The following ROBO2 variants were observed in gnomAD, a reference collection of about 807,000 sequenced individuals.
ROBO2 encodes roundabout homolog 2.
In ROBO2, 53 loss-of-function variants were observed where a neutral mutation model predicts 160.8. The observed-to-expected ratio is 0.33, with a 90% confidence interval of 0.26 to 0.41. The LOEUF (loss-of-function observed/expected upper bound fraction) is 0.41, where lower values mean the gene tolerates loss of function less well. Among genes scored for constraint, ROBO2 ranks in the 10% least tolerant of loss-of-function variants. The pLI is 1.00. For missense variants in ROBO2, 1,577 were observed against 1,722.4 expected (o/e 0.92, Z 1.49); for synonymous variants, 664 against 611.7 (o/e 1.09, Z -1.26).
intron 2 of ROBO2, among the ~76,000 whole-genome samples, chr3:77,370,678 G>A (rs550740988): frequency 1.3e-5 from 2 of 152,174 alleles, no homozygotes; most frequent in Non-Finnish European, 2.9e-5. Flanking sequence ...TGGTTTTTCC[G>A]GTTTTAAATA....
chr3:77,012,594 GA>G (rs1281079544), intron 2 of ROBO2, among the ~76,000 whole-genome samples: 4 of 152,160 alleles, frequency 2.6e-5, no homozygotes, highest in Admixed American at 6.5e-5. Flanking sequence ...AAGTTACATG[GA>G]TGGATAGAAA....
intron 2 of ROBO2, among the ~76,000 whole-genome samples, chr3:76,160,855 A>C (rs73844507): frequency 6.6e-6 from 1 of 152,144 alleles, no homozygotes; most frequent in East Asian, 1.9e-4. Flanking sequence ...TTCTCGTGAA[A>C]TTCACAGTTC....
At chr3:75,915,151 G>C (rs1294766058) in intron 1 of ROBO2, among the ~76,000 whole-genome samples, 2 of 152,130 alleles carry the variant, frequency 1.3e-5, no homozygotes, top group Admixed American at 6.5e-5. Flanking sequence ...TACTGAATTT[G>C]CCTCTCTAGT....
At chr3:77,344,237 A>G (rs962529741) in intron 2 of ROBO2, among the ~76,000 whole-genome samples, 4 of 152,178 alleles carry the variant, frequency 2.6e-5, no homozygotes, top group African/African-American at 9.6e-5. Flanking sequence ...GGTATACAGA[A>G]CAGCTTCTTT....
chr3:76,971,947 C>A (rs2059591802), intron 2 of ROBO2, among the ~76,000 whole-genome samples: 1 of 152,180 alleles, frequency 6.6e-6, no homozygotes, highest in Non-Finnish European at 1.5e-5. Context: ...TTAACCTGTT[C>A]TCATAATATC....
chr3:76,774,080 C>A (rs1331666871), intron 2 of ROBO2, among the ~76,000 whole-genome samples: 1 of 150,764 alleles, frequency 6.6e-6, no homozygotes. Flanking sequence ...ATTGAGCAAG[C>A]AGTAAATATG....
intron 2 of ROBO2, among the ~76,000 whole-genome samples, chr3:77,198,406 T>C (rs1049681618): frequency 5.3e-5 from 8 of 152,066 alleles, no homozygotes; most frequent in African/African-American, 1.9e-4. Context: ...CTTCCTGAGA[T>C]GAAAAAGCAG....
At chr3:76,299,133 G>A (rs950068949) in intron 2 of ROBO2, among the ~76,000 whole-genome samples, 7 of 152,078 alleles carry the variant, frequency 4.6e-5, no homozygotes, top group South Asian at 2.1e-4. Context: ...CATTGTATTC[G>A]GAGAGAGATG....
chr3:77,076,859 A>G (rs1332462677), intron 1 of ROBO2, among the ~76,000 whole-genome samples: 1 of 152,154 alleles, frequency 6.6e-6, no homozygotes, highest in Non-Finnish European at 1.5e-5. Flanking sequence ...TGCCTTATGG[A>G]TATAAGCAAA....
intron 2 of ROBO2, among the ~76,000 whole-genome samples, chr3:75,958,282 A>G (rs1306615557): frequency 1.3e-5 from 2 of 151,818 alleles, no homozygotes; most frequent in Admixed American, 6.6e-5. Flanking sequence ...TATTTGTTCA[A>G]TCACTCCTTT....
At chr3:76,208,810 G>A (rs1702965162) in intron 2 of ROBO2, among the ~76,000 whole-genome samples, 1 of 152,056 alleles carries the variant, frequency 6.6e-6, no homozygotes, top group Non-Finnish European at 1.5e-5. Flanking sequence ...TAATGGCACG[G>A]ACATCTACCT....
intron 2 of ROBO2, among the ~76,000 whole-genome samples, chr3:77,169,308 T>G (rs960940943): frequency 1.3e-5 from 2 of 152,234 alleles, no homozygotes; most frequent in Non-Finnish European, 2.9e-5. Context: ...TTATCTTAGA[T>G]ACCTATGATT....
intron 2 of ROBO2, among the ~76,000 whole-genome samples, chr3:76,710,409 G>A (rs938965513): frequency 3.9e-5 from 6 of 152,228 alleles, no homozygotes; most frequent in Admixed American, 6.5e-5. Context: ...GTGAGCCACT[G>A]CGTCCAGCAT....
chr3:77,040,960 T>C (rs2064026990), intron 1 of ROBO2, 114 bp downstream of exon 1: 1 of 1,442,190 alleles, frequency 6.9e-7, no homozygotes, highest in Non-Finnish European at 9.7e-7. Context: ...TGTCTGTTAG[T>C]CCGTTTTGGC....
At chr3:76,273,061 A>G (rs1216173515) in intron 2 of ROBO2, among the ~76,000 whole-genome samples, 1 of 98,802 alleles carries the variant, frequency 1.0e-5, no homozygotes, top group African/African-American at 3.7e-5. Flanking sequence ...TAAATATATA[A>G]AAAATATATA....
intron 2 of ROBO2, among the ~76,000 whole-genome samples, chr3:76,036,077 A>G (rs1194435972): frequency 6.6e-6 from 1 of 152,022 alleles, no homozygotes; most frequent in African/African-American, 2.4e-5. Flanking sequence ...AACCATTTTT[A>G]TAAACTTCTA....
intron 2 of ROBO2, among the ~76,000 whole-genome samples, chr3:76,499,459 C>G (rs2080342302): frequency 6.6e-6 from 1 of 152,198 alleles, no homozygotes; most frequent in South Asian, 2.1e-4. Flanking sequence ...AGAATACACT[C>G]CACTTCCTTC....
At chr3:77,600,409 G>A (rs1336265889) in intron 19 of ROBO2, among the ~76,000 whole-genome samples, 1 of 152,200 alleles carries the variant, frequency 6.6e-6, no homozygotes, top group Non-Finnish European at 1.5e-5. Context: ...TTATCTAGCA[G>A]GGAGAGGAGA....
intron 2 of ROBO2, among the ~76,000 whole-genome samples, chr3:76,805,671 CGTGTGT>C (rs71673124): frequency 0.8 from 117,418 of 146,202 alleles, 47,149 homozygotes; most frequent in Admixed American, 0.84. Flanking sequence ...TATTGGAATA[CGTGTGT>C]GTGTGTGTGT....
Sources: allele counts gnomAD v4.1 joint callset (sites outside exome capture counted in the v4.1 genomes callset), GRCh38; gene constraint gnomAD v4.1.1; transcripts MANE v1.5; gene names NCBI Gene and HGNC (gene_info 2026-07-23, HGNC 2026-07-21).